Variants in TMPRSS15 observed in about 807,000 individuals in gnomAD.
TMPRSS15 encodes the protein transmembrane serine protease 15, also known as enteropeptidase.
In TMPRSS15, 128 loss-of-function variants were observed where a neutral mutation model predicts 125.3. That is an observed-to-expected ratio of 1.02 (90% CI 0.89 to 1.18). The LOEUF (loss-of-function observed/expected upper bound fraction) is 1.18. Ranked by LOEUF, TMPRSS15 falls within the 50% of genes most tolerant of loss-of-function variation. TMPRSS15 has a pLI of 0.00. For missense variants in TMPRSS15, 1,283 were observed against 1,212.7 expected, an observed-to-expected ratio of 1.06 and a Z score of -0.86; for synonymous variants, 446 against 423.2, an observed-to-expected ratio of 1.05 and a Z score of -0.66.
chr21:18,413,901 T>C (rs1030359392), intron 1 of TMPRSS15, among the ~76,000 whole-genome samples: 1 of 152,270 alleles, frequency 6.6e-6, no homozygotes, highest in Admixed American at 6.5e-5. Flanking sequence ...CCACCTTTTT[T>C]ATTTTTTGTA....
chr21:18,435,029 A>T (rs558652885), intron 1 of TMPRSS15, among the ~76,000 whole-genome samples: 2 of 152,268 alleles, frequency 1.3e-5, no homozygotes, highest in East Asian at 3.9e-4. Context: ...CCTTGTATTT[A>T]TATCCATCCT....
At chr21:18,457,043 G>C (rs1434249253) in intron 1 of TMPRSS15, among the ~76,000 whole-genome samples, 1 of 152,026 alleles carries the variant, frequency 6.6e-6, no homozygotes, top group Non-Finnish European at 1.5e-5. Context: ...ATTTGAATTT[G>C]TTCTTTGCCC....
intron 1 of TMPRSS15, among the ~76,000 whole-genome samples, chr21:18,429,273 C>T (rs2076211168): frequency 1.3e-5 from 2 of 152,052 alleles, no homozygotes; most frequent in South Asian, 4.1e-4. Flanking sequence ...TGCCTTGTGT[C>T]AGATGAGACT....
At chr21:18,270,145 C>T in intron 24 of TMPRSS15, 21 bp from the exon 25 acceptor site, 1 of 1,611,184 alleles carries the variant, frequency 6.2e-7, no homozygotes, top group Non-Finnish European at 8.5e-7. Flanking sequence ...AATTGCAAAA[C>T]AAAATTGTAG....
intron 6 of TMPRSS15, among the ~76,000 whole-genome samples, chr21:18,369,973 C>CAAAAAAAAAAAAA (rs148057792): frequency 5.9e-5 from 8 of 135,984 alleles, no homozygotes; most frequent in Non-Finnish European, 9.4e-5. Context: ...CTTACTTAAA[C>CAAAAAAAAAAAAA]GAAAAAAAAA....
At chr21:18,424,402 A>C (rs1198493933) in intron 1 of TMPRSS15, among the ~76,000 whole-genome samples, 1 of 152,198 alleles carries the variant, frequency 6.6e-6, no homozygotes, top group Non-Finnish European at 1.5e-5. Context: ...TCCTTTTTGC[A>C]ACACTCTTGT....
rs116385741 is a variant in TMPRSS15, at chr21:18,354,793, G to A, written c.881-930C>T. 5.9e-3 allele frequency among the ~76,000 whole-genome samples: 893 copies of A among 151,884 alleles called. 13 individuals carry two copies. Among genetic ancestry groups the A allele is most frequent in the African/African-American group, 0.02 (835 of 41,496 alleles). On this transcript the variant is annotated intron_variant, in intron 8 of 24. Transcript: ENST00000284885. ...TAACAAACAATGCATTAGCATTTTAGTTTGACAATCTGAGCATGGCATTAG... is the reference window on the plus strand; with the variant it reads ...TAACAAACAATGCATTAGCATTTTAATTTGACAATCTGAGCATGGCATTAG...
intron 1 of TMPRSS15, among the ~76,000 whole-genome samples, chr21:18,465,452 G>A (rs2122955507): frequency 7.9e-5 from 12 of 152,122 alleles, no homozygotes; most frequent in Non-Finnish European, 1.2e-4. Context: ...ATTCAAATAG[G>A]AAGAGAGGAA....
At chr21:18,396,796 G>T in intron 3 of TMPRSS15, among the ~76,000 whole-genome samples, 1 of 103,208 alleles carries the variant, frequency 9.7e-6, no homozygotes, top group Non-Finnish European at 1.9e-5. Flanking sequence ...AAAAAAATCT[G>T]TCTGTCTGTC....
chr21:18,365,936 T>C (rs2075732815), intron 6 of TMPRSS15, among the ~76,000 whole-genome samples: 1 of 151,778 alleles, frequency 6.6e-6, no homozygotes, highest in East Asian at 1.9e-4. Context: ...GGTTTCACCA[T>C]GTTGGCCAGG....
At chr21:18,469,971 C>A (rs148710179) in intron 1 of TMPRSS15, among the ~76,000 whole-genome samples, 46 of 152,004 alleles carry the variant, frequency 3.0e-4, no homozygotes, top group African/African-American at 1.1e-3. Flanking sequence ...CATTGTTAAC[C>A]TTTGGTAAAT....
At chr21:18,457,284 G>C (rs559429827) in intron 1 of TMPRSS15, among the ~76,000 whole-genome samples, 2 of 152,192 alleles carry the variant, frequency 1.3e-5, no homozygotes, top group South Asian at 4.1e-4. Context: ...CATGTGAATG[G>C]TGTCAGTCTT....
At chr21:18,278,179 G>C (rs1358971441) in intron 23 of TMPRSS15, among the ~76,000 whole-genome samples, 1 of 152,118 alleles carries the variant, frequency 6.6e-6, no homozygotes, top group Non-Finnish European at 1.5e-5. Context: ...TATAAATAAA[G>C]ATAGTTTTAT....
chr21:18,368,628 T>G lies in TMPRSS15; in HGVS notation c.665-3380A>C, dbSNP rs150062657. On this transcript the variant is annotated intron_variant, in intron 6 of 24. Coordinates refer to ENST00000284885, the MANE Select transcript of TMPRSS15 (RefSeq NM_002772.3). ...TAGGTGATAAATAAACTGTTATTGT[T>G]AAGATTGTTTATCATAGTATTTAGC... 4.9e-3 allele frequency among the ~76,000 whole-genome samples: 747 copies of G among 152,298 alleles called. 1 individual carries two copies. Among genetic ancestry groups the G allele is most frequent in the South Asian group, 0.013 (65 of 4,822 alleles).
chr21:18,423,520 T>G (rs1326462529), intron 1 of TMPRSS15, among the ~76,000 whole-genome samples: 2 of 151,340 alleles, frequency 1.3e-5, no homozygotes, highest in Non-Finnish European at 2.9e-5. Context: ...GCCATTCTCC[T>G]GCCTCAGCCT....
intron 3 of TMPRSS15, among the ~76,000 whole-genome samples, chr21:18,384,975 C>G (rs752778593): frequency 6.6e-6 from 1 of 152,120 alleles, no homozygotes; most frequent in Non-Finnish European, 1.5e-5. Context: ...ATCAGCATCT[C>G]CACTAGGGGG....
chr21:18,344,512 T>C (rs951597521), intron 10 of TMPRSS15, among the ~76,000 whole-genome samples: 11 of 152,242 alleles, frequency 7.2e-5, no homozygotes, highest in African/African-American at 2.7e-4. Context: ...TTCAGTTTTA[T>C]ATTTCACTGA....
rs749692894 is a variant in TMPRSS15 at position 18,341,405 on chromosome 21, T to C, written c.1564+8A>G. 2 of 1,614,092 alleles carry C rather than the reference T, an allele frequency of 1.2e-6. No individual in the cohort carries two copies. Among genetic ancestry groups the C allele is most frequent in the Admixed American group, 3.3e-5 (2 of 60,006 alleles). On this transcript the variant is annotated splice_region_variant and intron_variant, in intron 13 of 24. Coordinates refer to ENST00000284885, the MANE Select transcript of TMPRSS15 (RefSeq NM_002772.3). ...TAATAAGACAAAATACACATGAAGG[T>C]TACTTACTAGGAAGTTCTGGTGGAG... is the stretch of plus-strand genomic sequence containing the variant.
intron 10 of TMPRSS15, among the ~76,000 whole-genome samples, chr21:18,345,750 A>AAAAAAAAAAAAC (rs2075501397): frequency 1.4e-5 from 2 of 142,078 alleles, no homozygotes; most frequent in African/African-American, 5.1e-5. Flanking sequence ...CAAAAAAAAA[A>AAAAAAAAAAAAC]AAAAAAAAAA....
Sources: allele counts gnomAD v4.1 joint callset (sites outside exome capture counted in the v4.1 genomes callset), GRCh38; gene constraint gnomAD v4.1.1; transcripts MANE v1.5; gene names NCBI Gene and HGNC (gene_info 2026-07-23, HGNC 2026-07-21).